Variants in MCUB observed in about 807,000 individuals in gnomAD.
MCUB encodes mitochondrial calcium uniporter dominant negative subunit beta, also known as calcium uniporter regulatory subunit MCUb, mitochondrial.
MCUB carries 46 observed loss-of-function variants against 41.4 expected under a neutral mutation model. That is an observed-to-expected ratio of 1.11 (90% CI 0.88 to 1.42). MCUB has a LOEUF of 1.42. Ranked by LOEUF, MCUB falls within the 40% of genes most tolerant of loss-of-function variation. The pLI, the probability that MCUB is intolerant of heterozygous loss-of-function variation, is 0.00. For missense variants in MCUB, 403 were observed against 404.9 expected (o/e 1.00, Z 0.04); for synonymous variants, 148 against 148.2 (o/e 1.00, Z 0.01).
intron 7 of MCUB, among the ~76,000 whole-genome samples, chr4:109,685,606 T>C (rs370591394): frequency 6.6e-6 from 1 of 152,222 alleles, no homozygotes; most frequent in East Asian, 1.9e-4. Context: ...TGACTTGAGA[T>C]AGTAAAATAA....
At chr4:109,664,198 A>G (rs1458039542) in intron 3 of MCUB, 92 bp from the exon 4 acceptor site, 1 of 716,362 alleles carries the variant, frequency 1.4e-6, no homozygotes, top group African/African-American at 1.8e-5. Flanking sequence ...ATTATATTGT[A>G]AAGACCTGGG....
chr4:109,579,175 T>G lies in MCUB; in HGVS notation c.99+18739T>G, dbSNP rs191446144. 7.2e-5 allele frequency among the ~76,000 whole-genome samples: 11 copies of G among 152,348 alleles called. No individual in the cohort carries two copies. In the East Asian group the frequency reaches 2.1e-3, roughly 29 times the overall value. On this transcript the variant is annotated intron_variant, in intron 1 of 7. Coordinates refer to ENST00000394650, the MANE Select transcript of MCUB (RefSeq NM_017918.5). ...GTACTTTAAAATGCATGGTTGTGGA[T>G]TTGAAACTCAGAAGTGTATGGGTTG...
At chr4:109,603,954 T>G (rs1164116851) in intron 1 of MCUB, among the ~76,000 whole-genome samples, 1 of 151,948 alleles carries the variant, frequency 6.6e-6, no homozygotes, top group East Asian at 1.9e-4. Flanking sequence ...AAGGGGGAAA[T>G]GTGGGGAAAA....
chr4:109,602,454 T>C (rs771584612), intron 1 of MCUB, among the ~76,000 whole-genome samples: 2 of 152,242 alleles, frequency 1.3e-5, no homozygotes, highest in Non-Finnish European at 2.9e-5. Flanking sequence ...CCTGGCACCA[T>C]TTATTGAAGA....
chr4:109,618,997 A>AACCTACCT (rs201511635), intron 1 of MCUB, among the ~76,000 whole-genome samples: 1 of 122,788 alleles, frequency 8.1e-6, no homozygotes, highest in East Asian at 2.3e-4. Context: ...TCTACCTACC[A>AACCTACCT]ACCTACCTAC....
chr4:109,648,735 A>C, intron 1 of MCUB: 3 of 372,704 alleles, frequency 8.0e-6, no homozygotes, highest in South Asian at 6.2e-5. Context: ...AAAAAAAAAA[A>C]AAAAAATCAT....
At chr4:109,686,288 G>A (rs1339448922) in intron 7 of MCUB, among the ~76,000 whole-genome samples, 3 of 151,956 alleles carry the variant, frequency 2.0e-5, no homozygotes, top group Non-Finnish European at 2.9e-5. Flanking sequence ...ATAGGCGCCC[G>A]CCACCACACC....
chr4:109,685,535 C>G (rs1729821034), intron 7 of MCUB, among the ~76,000 whole-genome samples, 168 bp downstream of exon 7: 1 of 152,092 alleles, frequency 6.6e-6, no homozygotes, highest in Admixed American at 6.5e-5. Flanking sequence ...AATTTCATAT[C>G]CCAGTTTTAC....
intron 4 of MCUB, among the ~76,000 whole-genome samples, chr4:109,667,846 G>T (rs1316675491): frequency 6.6e-6 from 1 of 150,816 alleles, no homozygotes; most frequent in Non-Finnish European, 1.5e-5. Flanking sequence ...TTGATAAGTT[G>T]TATTTTCATT....
At chr4:109,598,426 C>G (rs181415091) in intron 1 of MCUB, among the ~76,000 whole-genome samples, 1 of 152,068 alleles carries the variant, frequency 6.6e-6, no homozygotes, top group Non-Finnish European at 1.5e-5. Context: ...AACCCCGTCT[C>G]CACCAAAAAA....
intron 5 of MCUB, chr4:109,682,989 C>T (rs1729754388): frequency 2.3e-5 from 8 of 347,316 alleles, no homozygotes; most frequent in Non-Finnish European, 3.7e-5. Context: ...TTCAGAGCTG[C>T]CATCTTAAAC....
At chr4:109,579,062 A>G (rs984922513) in intron 1 of MCUB, among the ~76,000 whole-genome samples, 1 of 152,114 alleles carries the variant, frequency 6.6e-6, no homozygotes, top group African/African-American at 2.4e-5. Flanking sequence ...GATACACTAT[A>G]CAGGGCATTG....
At chr4:109,686,223 C>T (rs1432511350) in intron 7 of MCUB, among the ~76,000 whole-genome samples, 2 of 152,122 alleles carry the variant, frequency 1.3e-5, no homozygotes, top group African/African-American at 2.4e-5. Flanking sequence ...CTGCAACCTC[C>T]GCCTCCTGGG....
chr4:109,574,909 T>C (rs1392844877), intron 1 of MCUB, among the ~76,000 whole-genome samples: 2 of 152,102 alleles, frequency 1.3e-5, no homozygotes, highest in African/African-American at 2.4e-5. Context: ...CAGAGATGGA[T>C]TGGGTAAGAC....
intron 1 of MCUB, among the ~76,000 whole-genome samples, chr4:109,570,518 C>T (rs1034495626): frequency 2.6e-5 from 4 of 152,220 alleles, no homozygotes; most frequent in Non-Finnish European, 5.9e-5. Context: ...AACTACTCAA[C>T]TTTGCCATTG....
At chr4:109,604,297 G>GTGTT (rs138725099) in intron 1 of MCUB, among the ~76,000 whole-genome samples, 1 of 101,236 alleles carries the variant, frequency 9.9e-6, no homozygotes, top group Non-Finnish European at 2.2e-5. Flanking sequence ...CTTTGTTCAC[G>GTGTT]TGTCTGCTGA....
chr4:109,620,591 A>G (rs969336201), intron 1 of MCUB, among the ~76,000 whole-genome samples: 1 of 151,516 alleles, frequency 6.6e-6, no homozygotes, highest in Non-Finnish European at 1.5e-5. Context: ...TCATGAATGT[A>G]TAAATTAGCA....
chr4:109,584,443 T>C (rs1022629365), intron 1 of MCUB, among the ~76,000 whole-genome samples: 19 of 152,234 alleles, frequency 1.2e-4, no homozygotes, highest in African/African-American at 2.7e-4. Context: ...TTTTTGTGTC[T>C]CTGTCTCCTT....
At chr4:109,684,953 G>C (rs1361608934) in intron 6 of MCUB, 1 of 387,784 alleles carries the variant, frequency 2.6e-6, no homozygotes, top group Non-Finnish European at 4.6e-6. Context: ...AGTAACATCA[G>C]CTTTGCCTCA....
Sources: gnomAD v4.1 joint callset for allele counts (sites outside exome capture counted in the v4.1 genomes callset) on GRCh38, gnomAD v4.1.1 for gene constraint, MANE v1.5 for transcripts, NCBI Gene and HGNC (gene_info 2026-07-23, HGNC 2026-07-21) for gene names.